The following EPG5 variants were observed in gnomAD, a reference collection of about 807,000 sequenced individuals.
EPG5 encodes ectopic P-granules 5 autophagy tethering factor, also known as ectopic P granules protein 5 homolog.
In EPG5, 159 loss-of-function variants were observed where a neutral mutation model predicts 302.7. The observed-to-expected ratio is 0.53, with a 90% CI of 0.46 to 0.60. The LOEUF (loss-of-function observed/expected upper bound fraction) is 0.60. Ranked by LOEUF, EPG5 falls within the 20% of genes least tolerant of loss-of-function variation. The pLI, the probability that EPG5 is intolerant of heterozygous loss-of-function variation, is 0.00. For synonymous variants in EPG5, 1,158 were observed against 1,136.8 expected (o/e 1.02, Z -0.37); for missense variants, 2,896 against 3,092.4 (o/e 0.94, Z 1.51).
In EPG5 at chr18:45,944,049, G is replaced by A; in HGVS notation, c.1748C>T (p.Pro583Leu). 1 of 1,613,928 alleles carries A rather than the reference G, an allele frequency of 6.2e-7. No individual in the cohort carries two copies. The highest frequency in any genetic ancestry group is 2.2e-5 in the East Asian group (1 of 44,872). Residue 583 changes from proline (P) to leucine (L), a missense_variant, in exon 8 of 44, where the codon CCC (proline) becomes CTC (leucine). Coordinates refer to ENST00000282041, the MANE Select transcript of EPG5 (RefSeq NM_020964.3). ...AAGATGCTGAAAGAGTTCATGAAAG[G>A]GGAACTGTGCTAAAATGGTAACCAA... ...DDLVTILAQF[P>L]FHELFQHLLG...
rs2051287517 is a variant in EPG5 at position 45,967,242 on chromosome 18, A to C, written c.-3T>G. ...TGGGGCTTCACCGCCTCGGCCATAG[A>C]CCCTTCCGCGGCGCCGTCACCGTTT... On this transcript the variant is annotated 5_prime_UTR_variant, in exon 1 of 44. Transcript: ENST00000282041. The C allele has an allele frequency of 6.3e-7, 1 of 1,593,040 alleles. No individual in the cohort carries two copies. The highest frequency in any genetic ancestry group is 8.5e-7 in the Non-Finnish European group (1 of 1,170,370).
At position 45,955,211 on chromosome 18, in the gene EPG5, G is replaced by A. The variant is rs2051000701; in HGVS notation, c.191C>T (p.Thr64Ile). 6.2e-7 allele frequency: 1 copy of A among 1,614,080 alleles called. No individual in the cohort carries two copies. The highest frequency in any genetic ancestry group is 1.1e-5 in the South Asian group (1 of 91,092). Residue 64 changes from threonine (T) to isoleucine (I), a missense_variant, in exon 2 of 44, where the codon ACT (threonine) becomes ATT (isoleucine). Coordinates refer to ENST00000282041, the MANE Select transcript of EPG5 (RefSeq NM_020964.3). ...EFKGDHLKVV[T>I]DSQLQDDASG... is the part of the protein sequence containing the mutation. ...GGCATCATCCTGGAGCTGGGAATCAGTTACCACCTTCAGATGGTCTCCTTT... is the reference window on the plus strand; with the variant it reads ...GGCATCATCCTGGAGCTGGGAATCAATTACCACCTTCAGATGGTCTCCTTT...
intron 34 of EPG5, among the ~76,000 whole-genome samples, chr18:45,877,252 A>G (rs1179996971): frequency 2.0e-5 from 3 of 151,830 alleles, no homozygotes; most frequent in Non-Finnish European, 4.4e-5. Flanking sequence ...CAAAAAAAAT[A>G]AAAATTAAAA....
At chr18:45,876,461 AT>A in intron 34 of EPG5, 119 bp from the exon 35 acceptor site, 1 of 687,516 alleles carries the variant, frequency 1.5e-6, no homozygotes, top group Non-Finnish European at 2.6e-6. Context: ...CCTGACACAC[AT>A]TTAGAATACT....
At chr18:45,842,471 T>C in the EPG5 span, 1 of 380,552 alleles carries the variant, frequency 2.6e-6, no homozygotes, top group Non-Finnish European at 4.8e-6. Context: ...GTACACGCAT[T>C]AGCTTGAGCG....
intron 8 of EPG5, 87 bp from the exon 9 acceptor site, chr18:45,943,398 A>T (rs930100055): frequency 1.7e-6 from 2 of 1,161,888 alleles, no homozygotes; most frequent in African/African-American, 3.1e-5. Flanking sequence ...TTTAATGAGG[A>T]CTCAAAGCCA....
chr18:45,932,937 G>GC (rs2050428052), intron 11 of EPG5, among the ~76,000 whole-genome samples: 1 of 152,112 alleles, frequency 6.6e-6, no homozygotes, highest in Admixed American at 6.6e-5. Flanking sequence ...ACAGAGCTGA[G>GC]CTGTTTGACA....
the EPG5 span, among the ~76,000 whole-genome samples, chr18:45,810,364 T>A: frequency 6.6e-6 from 1 of 152,182 alleles, no homozygotes. Flanking sequence ...AATCATTCTA[T>A]GAAGCCAGCA....
intron 27 of EPG5, among the ~76,000 whole-genome samples, chr18:45,898,532 C>T (rs2049531282): frequency 1.3e-5 from 2 of 152,228 alleles, no homozygotes; most frequent in Non-Finnish European, 2.9e-5. Flanking sequence ...AAGAAGGTAA[C>T]TCTGAGAGGC....
chr18:45,829,714 A>G, the EPG5 span, among the ~76,000 whole-genome samples: 1 of 151,930 alleles, frequency 6.6e-6, no homozygotes, highest in Non-Finnish European at 1.5e-5. Flanking sequence ...CATACTGGCC[A>G]CTCGTCAGCT....
chr18:45,845,450 C>T (rs1194657021), downstream of EPG5, among the ~76,000 whole-genome samples: 1 of 152,158 alleles, frequency 6.6e-6, no homozygotes, highest in Non-Finnish European at 1.5e-5. Flanking sequence ...GGGGACAGCA[C>T]TCGGCCCTCC....
At chr18:45,845,965 G>C (rs549898822), downstream of EPG5, among the ~76,000 whole-genome samples, 3 of 152,330 alleles carry the variant, frequency 2.0e-5, no homozygotes, top group Admixed American at 6.5e-5. Flanking sequence ...GCCCTGCCTT[G>C]AGATGGAAAT....
intron 13 of EPG5, among the ~76,000 whole-genome samples, chr18:45,928,600 G>T (rs2050328495): frequency 6.6e-6 from 1 of 152,144 alleles, no homozygotes; most frequent in Non-Finnish European, 1.5e-5. Context: ...TTAACTATAG[G>T]TCATAAGTAA....
At chr18:45,953,658 C>G in intron 2 of EPG5, 1 of 985,362 alleles carries the variant, frequency 1.0e-6, no homozygotes. Flanking sequence ...CCCTCTCAAA[C>G]TTGAGAGGAC....
chr18:45,925,437 C>T (rs1292007115), intron 14 of EPG5, among the ~76,000 whole-genome samples: 2 of 152,018 alleles, frequency 1.3e-5, no homozygotes, highest in African/African-American at 2.4e-5. Flanking sequence ...AGTGCCACCG[C>T]ACTCCAGCCT....
intron 30 of EPG5, among the ~76,000 whole-genome samples, chr18:45,883,031 A>AAAAAG (rs1555667436): frequency 1.4e-5 from 2 of 147,500 alleles, no homozygotes; most frequent in African/African-American, 2.5e-5. Context: ...AAAAAAAAAA[A>AAAAAG]GTAGTTCACT....
At position 45,951,169 on chromosome 18, in the gene EPG5, A is replaced by C. The variant is rs774516663; in HGVS notation, c.1322T>G (p.Met441Arg). Reference protein sequence around the residue: ...QLKECISVLFMFTRRVNEDTQ... With the variant: ...QLKECISVLFRFTRRVNEDTQ... ...ATCTTCATTAACTCTCCTGGTGAAC[A>C]TGAATAAGACACTAATGCATTCCTT... Residue 441 changes from methionine (M) to arginine (R), a missense_variant, in exon 4 of 44, where the codon ATG (methionine) becomes AGG (arginine). This residue lies in a region of EPG5 where 1,390 missense variants were observed against 1,430.0 expected (regional missense o/e 0.97). Transcript: ENST00000282041. The C allele has an allele frequency of 5.0e-6, 8 of 1,599,260 alleles. No homozygotes were observed. In the East Asian group the frequency reaches 1.6e-4, roughly 32 times the overall value.
intron 4 of EPG5, 67 bp from the exon 5 acceptor site, chr18:45,949,658 T>C (rs1459114581): frequency 9.8e-7 from 1 of 1,016,246 alleles, no homozygotes; most frequent in Non-Finnish European, 1.5e-6. Context: ...AGGGGTCTAG[T>C]AAAGTCATTT....
chr18:45,882,625 C>CA (rs1293295925), intron 30 of EPG5, 138 bp from the exon 31 acceptor site: 1 of 604,582 alleles, frequency 1.7e-6, no homozygotes, highest in African/African-American at 1.8e-5. Flanking sequence ...AATGTATAAA[C>CA]AAGTACATAA....
Sources: allele counts gnomAD v4.1 joint callset (sites outside exome capture counted in the v4.1 genomes callset), GRCh38; gene constraint gnomAD v4.1.1; regional missense constraint gnomAD v4.1.1; transcripts MANE v1.5; gene names NCBI Gene and HGNC (gene_info 2026-07-23, HGNC 2026-07-21).